The following NLGN1 variants were observed in gnomAD, a reference collection of about 807,000 sequenced individuals.
The protein encoded by NLGN1 is neuroligin-1.
Under a neutral mutation model 65.5 loss-of-function variants are expected in NLGN1, and 12 were observed. That is an observed-to-expected ratio of 0.18 (90% confidence interval 0.12 to 0.30). The LOEUF (loss-of-function observed/expected upper bound fraction) is 0.30, where lower values mean the gene tolerates loss of function less well. Among genes scored for constraint, NLGN1 ranks in the 10% least tolerant of loss-of-function variants. The pLI is 1.00. For missense variants in NLGN1, 750 were observed against 1,007.1 expected, an observed-to-expected ratio of 0.74 and a Z score of 3.46; for synonymous variants, 350 against 359.5, an observed-to-expected ratio of 0.97 and a Z score of 0.30.
At chr3:173,612,153 C>T (rs574167169) in intron 3 of NLGN1, among the ~76,000 whole-genome samples, 7 of 152,158 alleles carry the variant, frequency 4.6e-5, no homozygotes, top group African/African-American at 1.7e-4. Context: ...AGAATTCGAA[C>T]GTCACACCAG....
chr3:174,060,320 G>A (rs147373840), intron 4 of NLGN1, among the ~76,000 whole-genome samples: 268 of 152,014 alleles, frequency 1.8e-3, no homozygotes, highest in Non-Finnish European at 2.8e-3. Context: ...TGGATAACTT[G>A]GACTTTTCAA....
At chr3:173,456,430 ACTCT>A (rs1211222834) in intron 2 of NLGN1, among the ~76,000 whole-genome samples, 2 of 151,750 alleles carry the variant, frequency 1.3e-5, no homozygotes, top group Admixed American at 6.6e-5. Context: ...AGTTACTTAG[ACTCT>A]CTGTTTCTGA....
chr3:173,923,641 A>G (rs1742476742), intron 4 of NLGN1, among the ~76,000 whole-genome samples: 1 of 152,158 alleles, frequency 6.6e-6, no homozygotes. Flanking sequence ...CTCACATCTC[A>G]TTAAATTTTC....
At chr3:173,850,893 T>C (rs1489574976) in intron 4 of NLGN1, among the ~76,000 whole-genome samples, 1 of 151,612 alleles carries the variant, frequency 6.6e-6, no homozygotes, top group African/African-American at 2.4e-5. Context: ...TGATACCACA[T>C]CTGGCTAATT....
At chr3:173,653,082 T>C (rs1759471139) in intron 3 of NLGN1, among the ~76,000 whole-genome samples, 1 of 152,220 alleles carries the variant, frequency 6.6e-6, no homozygotes, top group Non-Finnish European at 1.5e-5. Context: ...TTTTTGTATA[T>C]CTATTTTGTA....
intron 4 of NLGN1, among the ~76,000 whole-genome samples, chr3:174,163,104 G>C (rs1361540157): frequency 1.3e-5 from 2 of 151,818 alleles, no homozygotes; most frequent in Non-Finnish European, 2.9e-5. Context: ...AATAAGTACT[G>C]TTTATATTAA....
chr3:173,645,118 T>G (rs1758040648), intron 3 of NLGN1, among the ~76,000 whole-genome samples: 1 of 152,210 alleles, frequency 6.6e-6, no homozygotes, highest in African/African-American at 2.4e-5. Context: ...CTGGATTTAG[T>G]TGGACTTTGG....
intron 4 of NLGN1, among the ~76,000 whole-genome samples, chr3:173,959,571 A>G (rs1320045801): frequency 6.6e-6 from 1 of 152,252 alleles, no homozygotes; most frequent in Non-Finnish European, 1.5e-5. Flanking sequence ...ATGAGGAATT[A>G]CATAAACATT....
At chr3:173,920,041 T>C (rs1282117139) in intron 4 of NLGN1, among the ~76,000 whole-genome samples, 1 of 151,956 alleles carries the variant, frequency 6.6e-6, no homozygotes, top group African/African-American at 2.4e-5. Context: ...CAGAGCAGGG[T>C]TGAGAGAGAC....
chr3:174,278,791 A>G (rs1400649304), intron 5 of NLGN1, 70 bp from the exon 6 acceptor site: 1 of 1,203,196 alleles, frequency 8.3e-7, no homozygotes, highest in Non-Finnish European at 1.1e-6. Flanking sequence ...TGTCTAAAAT[A>G]TCAGATGTTA....
At chr3:173,874,038 A>G (rs1485332304) in intron 4 of NLGN1, among the ~76,000 whole-genome samples, 1 of 152,200 alleles carries the variant, frequency 6.6e-6, no homozygotes, top group Admixed American at 6.5e-5. Flanking sequence ...CTGTAAGCCA[A>G]AGAAAGAGGC....
chr3:173,510,495 A>T (rs1445853067), intron 2 of NLGN1, among the ~76,000 whole-genome samples: 2 of 152,212 alleles, frequency 1.3e-5, no homozygotes, highest in African/African-American at 4.8e-5. Context: ...AAATACGAGA[A>T]TGGGAGGTTT....
intron 2 of NLGN1, among the ~76,000 whole-genome samples, chr3:173,582,996 C>T (rs572547930): frequency 5.3e-5 from 8 of 152,258 alleles, no homozygotes; most frequent in African/African-American, 1.9e-4. Flanking sequence ...GTCATCTTCC[C>T]TCAGTGCTTT....
At chr3:173,666,437 A>G (rs1761708305) in intron 3 of NLGN1, among the ~76,000 whole-genome samples, 2 of 152,166 alleles carry the variant, frequency 1.3e-5, no homozygotes, top group African/African-American at 4.8e-5. Context: ...TACACTATGA[A>G]GGGAGTTGAA....
chr3:173,885,416 A>C (rs2150949840), intron 4 of NLGN1, among the ~76,000 whole-genome samples: 1 of 152,270 alleles, frequency 6.6e-6, no homozygotes, highest in Middle Eastern at 3.4e-3. Flanking sequence ...ATCTCTTTTA[A>C]GTTATTTATT....
chr3:173,844,706 G>T (rs545126128), intron 4 of NLGN1, among the ~76,000 whole-genome samples: 1 of 152,282 alleles, frequency 6.6e-6, no homozygotes, highest in Admixed American at 6.5e-5. Flanking sequence ...GTTTGTGATT[G>T]TTTCACTGTA....
chr3:174,189,691 C>A (rs1402187216), intron 4 of NLGN1, among the ~76,000 whole-genome samples: 1 of 150,870 alleles, frequency 6.6e-6, no homozygotes, highest in Non-Finnish European at 1.5e-5. Context: ...TGCATTTTAT[C>A]CAAATATCTA....
chr3:174,250,725 G>C lies in NLGN1; in HGVS notation c.647-24590G>C, dbSNP rs577901976. On this transcript the variant is annotated intron_variant, in intron 4 of 6. Transcript: ENST00000457714. Reference sequence around the variant, plus strand: ...TGAGAAGTTAACATTCTTTACTTCTGATCATAAACAATTTAAAAACTATGG... The same window carrying C: ...TGAGAAGTTAACATTCTTTACTTCTCATCATAAACAATTTAAAAACTATGG... 5.3e-5 allele frequency among the ~76,000 whole-genome samples: 8 copies of C among 152,070 alleles called. No individual in the cohort carries two copies. In the South Asian group the frequency reaches 1.7e-3, roughly 32 times the overall value.
intron 3 of NLGN1, among the ~76,000 whole-genome samples, chr3:173,771,250 G>A (rs952938991): frequency 1.3e-5 from 2 of 152,136 alleles, no homozygotes; most frequent in African/African-American, 4.8e-5. Flanking sequence ...ATGGGGAATG[G>A]TTAGCACAAT....
Sources: gnomAD v4.1 joint callset for allele counts (sites outside exome capture counted in the v4.1 genomes callset) on GRCh38, gnomAD v4.1.1 for gene constraint, MANE v1.5 for transcripts, NCBI Gene and HGNC (gene_info 2026-07-23, HGNC 2026-07-21) for gene names.